Variants in MDM4 observed in about 807,000 individuals in gnomAD.
MDM4 encodes the protein protein Mdm4.
In MDM4, 2 loss-of-function variants were observed where a neutral mutation model predicts 60.2. That is an observed-to-expected ratio of 0.03 (90% CI 0.01 to 0.10). MDM4 has a LOEUF of 0.10. Ranked by LOEUF, MDM4 falls within the 10% of genes least tolerant of loss-of-function variation. The pLI, the probability that MDM4 is intolerant of heterozygous loss-of-function variation, is 1.00. For synonymous variants in MDM4, 202 were observed against 198.1 expected (o/e 1.02, Z -0.17); for missense variants, 447 against 577.5 (o/e 0.77, Z 2.32).
At chr1:204,525,672 CTG>C (rs1239194272) in intron 2 of MDM4, 76 bp downstream of exon 2, 2 of 980,816 alleles carry the variant, frequency 2.0e-6, no homozygotes, top group Non-Finnish European at 3.0e-6. Context: ...TGTCTCATGA[CTG>C]TAATCCCAGC....
Position 204,549,306 on chromosome 1 carries a change from T to C in MDM4, c.1097T>C (p.Ile366Thr), listed in dbSNP as rs1172050470. Residue 366 changes from isoleucine to threonine, a missense_variant, in exon 11 of 11, where the codon ATT (isoleucine) becomes ACT (threonine). Ile to Thr is a moderately conservative substitution (Grantham distance 89). Around this residue, in one of 8 missense-constraint regions of MDM4, gnomAD observed 117 missense variants for 114.5 expected, o/e 1.02. Transcript: ENST00000367182. ...GATGTCCCTGATTGTCGAAGAACCA[T>C]TTCGGCTCCTGTCGTTAGACCTAAA... ...GNDVPDCRRT[I>T]SAPVVRPKDA... 6.2e-7 allele frequency: 1 copy of C among 1,614,200 alleles called. No individual in the cohort carries two copies. Among genetic ancestry groups the C allele is most frequent in the Admixed American group, 1.7e-5 (1 of 60,030 alleles).
In MDM4 at chr1:204,553,747, ACTCT is replaced by A. The variant is rs1663381306; in HGVS notation, c.*4067_*4070del. The A allele has an allele frequency of 4.4e-6, 1 of 224,982 alleles. No homozygotes were observed. Among genetic ancestry groups the A allele is most frequent in the African/African-American group, 2.2e-5 (1 of 44,980 alleles). 13.9% of individuals were successfully genotyped at this position (224,982 alleles called of 1,614,324 possible). On this transcript the variant is annotated 3_prime_UTR_variant, in exon 11 of 11. Transcript: ENST00000367182. The stretch of plus-strand genomic sequence containing the variant: ...AGTTCTTCTGTCTGAATATTAACTC[ACTCT>A]CCTTCCAGTGTACTTCACAGTAATT...
chr1:204,529,204 T>C, intron 3 of MDM4: 1 of 750,526 alleles, frequency 1.3e-6, no homozygotes, highest in South Asian at 1.6e-5. Context: ...TGATTAGGTC[T>C]TGTCAAACAT....
intron 10 of MDM4, among the ~76,000 whole-genome samples, chr1:204,548,186 C>A (rs1486581596): frequency 6.6e-6 from 1 of 152,238 alleles, no homozygotes; most frequent in Non-Finnish European, 1.5e-5. Flanking sequence ...GGCACACCAT[C>A]ACTCATGAAT....
chr1:204,543,826 G>A (rs1036734078), intron 8 of MDM4, among the ~76,000 whole-genome samples: 3 of 152,104 alleles, frequency 2.0e-5, no homozygotes, highest in Non-Finnish European at 4.4e-5. Flanking sequence ...TTTTATGTAT[G>A]TGTTGTCTGT....
intron 1 of MDM4, among the ~76,000 whole-genome samples, chr1:204,517,357 A>G (rs1374500096): frequency 1.3e-5 from 2 of 152,114 alleles, no homozygotes; most frequent in Admixed American, 6.5e-5. Flanking sequence ...TGATTTTTGT[A>G]TACCTTAAAG....
chr1:204,526,460 TTTTTTTG>T (rs2102323071), intron 3 of MDM4, 26 bp downstream of exon 3: 1 of 1,489,424 alleles, frequency 6.7e-7, no homozygotes, highest in South Asian at 1.2e-5. Flanking sequence ...AAATTCTCAT[TTTTTTTG>T]TTTTTTTTTT....
intron 10 of MDM4, among the ~76,000 whole-genome samples, chr1:204,547,113 CCT>C (rs562541307): frequency 3.9e-4 from 60 of 152,154 alleles, no homozygotes; most frequent in Non-Finnish European, 7.9e-4. Context: ...GAGATAAATG[CCT>C]CTGTGTGCCT....
chr1:204,552,872 C>CTG lies in MDM4; in HGVS notation c.*3191_*3192insGT. 1 of 133,554 alleles carries CTG rather than the reference C, an allele frequency of 7.5e-6. No homozygotes were observed. The highest frequency in any genetic ancestry group is 1.7e-4 in the East Asian group (1 of 6,042). The allele number at this position is 133,554 out of a possible 1,614,324, so 8.3% of individuals were successfully genotyped here. On this transcript the variant is annotated 3_prime_UTR_variant, in exon 11 of 11. Coordinates refer to ENST00000367182, the MANE Select transcript of MDM4 (RefSeq NM_002393.5). The stretch of plus-strand genomic sequence containing the variant: ...AACTTTAAACTATTTCTTTTCTTTT[C>CTG]TTTTTTTTTTTTTTTTACTTGAGAT...
At chr1:204,524,603 C>G (rs538299826) in intron 1 of MDM4, among the ~76,000 whole-genome samples, 1 of 152,308 alleles carries the variant, frequency 6.6e-6, no homozygotes, top group African/African-American at 2.4e-5. Context: ...AGGGTGAAAC[C>G]CCGTCTCTAC....
rs1553330637 is a variant in MDM4, at chr1:204,557,410, A to ATTAT, written c.*7730_*7731insATTT. On this transcript the variant is annotated 3_prime_UTR_variant, in exon 11 of 11. Coordinates refer to ENST00000367182, the MANE Select transcript of MDM4 (RefSeq NM_002393.5). ...CTGTGGTCTTGATGTACAAAAAAAA[A>ATTAT]TTTTTTTTTTGAGACAGAGTCTTAC... 1 of 173,612 alleles carries ATTAT rather than the reference A, an allele frequency of 5.8e-6. No homozygotes were observed. Among genetic ancestry groups the ATTAT allele is most frequent in the African/African-American group, 2.4e-5 (1 of 41,536 alleles). 10.8% of individuals were successfully genotyped at this position (173,612 alleles called of 1,614,324 possible). A position where few individuals can be genotyped will look rare whatever the true frequency, so the allele number is the denominator to read the frequency against.
chr1:204,540,990 T>C (rs1175019587), intron 7 of MDM4, among the ~76,000 whole-genome samples: 1 of 152,210 alleles, frequency 6.6e-6, no homozygotes, highest in East Asian at 1.9e-4. Context: ...TCATGCTGGA[T>C]TGTTTTCTTT....
intron 1 of MDM4, among the ~76,000 whole-genome samples, chr1:204,522,423 C>CAA (rs1553318754): frequency 6.7e-6 from 1 of 148,952 alleles, no homozygotes; most frequent in Non-Finnish European, 1.5e-5. Context: ...TTTTTTGAAA[C>CAA]AATCTTGCTC....
rs1477993480 is a variant in MDM4, at chr1:204,542,785, T to C, written c.513T>C (p.Asp171=). ...SEHKCIHSRE[D]EDLIENLAQD... ...ATTCTTTTCATTTGACTTCTATAGA[T>C]GAAGACTTAATTGAAAATTTAGCCC... The change falls in exon 8 of 11, where the codon GAT becomes GAC. Residue 171 remains aspartate, a splice_region_variant and synonymous_variant. Coordinates refer to ENST00000367182, the MANE Select transcript of MDM4 (RefSeq NM_002393.5). The C allele has an allele frequency of 6.2e-7, 1 of 1,609,030 alleles. No homozygotes were observed. Among genetic ancestry groups the C allele is most frequent in the South Asian group, 1.1e-5 (1 of 90,474 alleles).
At chr1:204,536,640 T>C (rs1263026211) in intron 5 of MDM4, among the ~76,000 whole-genome samples, 2 of 152,220 alleles carry the variant, frequency 1.3e-5, no homozygotes, top group East Asian at 3.8e-4. Flanking sequence ...CTTGATCTTT[T>C]CGTGTAGCCA....
At chr1:204,528,833 A>G (rs1660529263) in intron 3 of MDM4, 1 of 1,510,218 alleles carries the variant, frequency 6.6e-7, no homozygotes, top group South Asian at 1.1e-5. Context: ...CACTCTCCAC[A>G]GATGGGTTGG....
intron 3 of MDM4, chr1:204,529,044 C>T: frequency 2.0e-6 from 3 of 1,496,794 alleles, no homozygotes. Context: ...GAACTGGGGG[C>T]TCAGGTTGTA....
intron 3 of MDM4, chr1:204,528,866 G>A: frequency 6.3e-7 from 1 of 1,579,352 alleles, no homozygotes; most frequent in South Asian, 1.1e-5. Context: ...GAGCTGTCAT[G>A]GTGACGACGT....
rs1663570894 is a variant in MDM4 at position 204,556,856 on chromosome 1, T to G, written c.*7174T>G. The G allele has an allele frequency of 4.8e-6, 1 of 209,776 alleles. No individual in the cohort carries two copies. Among genetic ancestry groups the G allele is most frequent in the Non-Finnish European group, 9.7e-6 (1 of 103,176 alleles). The allele number at this position is 209,776 out of a possible 1,614,324, so 13.0% of individuals were successfully genotyped here. A position where few individuals can be genotyped will look rare whatever the true frequency, so the allele number is the denominator to read the frequency against. On this transcript the variant is annotated 3_prime_UTR_variant, in exon 11 of 11. Coordinates refer to ENST00000367182, the MANE Select transcript of MDM4 (RefSeq NM_002393.5). ...TGTTTCAAAGGAGGGATGAAATGCT[T>G]CTTGGCTTCCTCAGCACTTGGCAAG...
Sources: allele counts gnomAD v4.1 joint callset (sites outside exome capture counted in the v4.1 genomes callset), GRCh38; gene constraint gnomAD v4.1.1; regional missense constraint gnomAD v4.1.1; transcripts MANE v1.5; gene names NCBI Gene and HGNC (gene_info 2026-07-23, HGNC 2026-07-21).